The following MAD1L1 variants were observed in gnomAD, a reference collection of about 807,000 sequenced individuals.
MAD1L1 encodes the protein mitotic spindle assembly checkpoint protein MAD1.
A neutral mutation model predicts 96.9 loss-of-function variants in MAD1L1; 95 were observed. That is an observed-to-expected ratio of 0.98 (90% CI 0.83 to 1.16). The LOEUF is 1.16. Ranked by LOEUF, MAD1L1 falls within the 50% of genes most tolerant of loss-of-function variation. MAD1L1 has a pLI of 0.00. For synonymous variants in MAD1L1, 473 were observed against 396.6 expected, an observed-to-expected ratio of 1.19 and a Z score of -2.29; for missense variants, 1,007 against 954.4, an observed-to-expected ratio of 1.06 and a Z score of -0.73.
chr7:2,219,585 G>C, intron 5 of MAD1L1, 129 bp from the exon 6 acceptor site: 1 of 929,012 alleles, frequency 1.1e-6, no homozygotes, highest in Non-Finnish European at 1.6e-6. Context: ...AGGAGGCAGA[G>C]GGGCAGAGGA....
intron 18 of MAD1L1, among the ~76,000 whole-genome samples, chr7:1,896,583 T>C (rs1052663883): frequency 2.0e-4 from 30 of 152,346 alleles, no homozygotes; most frequent in East Asian, 1.7e-3. Context: ...TGCCTAGGCA[T>C]GTGCCTACGT....
At chr7:2,010,295 C>G (rs988500567) in intron 13 of MAD1L1, among the ~76,000 whole-genome samples, 2 of 151,944 alleles carry the variant, frequency 1.3e-5, no homozygotes, top group Admixed American at 6.6e-5. Flanking sequence ...TGGGAGGTCA[C>G]GGGGAGGAAG....
chr7:2,047,591 G>A (rs1427534512), intron 12 of MAD1L1, among the ~76,000 whole-genome samples: 2 of 152,196 alleles, frequency 1.3e-5, no homozygotes, highest in Non-Finnish European at 2.9e-5. Flanking sequence ...TGGGCTTAAT[G>A]TTCCATGAGG....
At chr7:1,939,761 G>A (rs931473908) in intron 16 of MAD1L1, among the ~76,000 whole-genome samples, 7 of 152,354 alleles carry the variant, frequency 4.6e-5, no homozygotes, top group Admixed American at 3.9e-4. Flanking sequence ...GAGACCGGGC[G>A]CAGTAAGCCT....
intron 11 of MAD1L1, among the ~76,000 whole-genome samples, chr7:2,136,874 A>C (rs1788779134): frequency 6.6e-6 from 1 of 152,250 alleles, no homozygotes; most frequent in Non-Finnish European, 1.5e-5. Flanking sequence ...TTCAAGGCTA[A>C]GAAGGAAGCT....
intron 10 of MAD1L1, among the ~76,000 whole-genome samples, chr7:2,170,926 A>C (rs1345035414): frequency 1.3e-5 from 2 of 152,182 alleles, no homozygotes; most frequent in Non-Finnish European, 2.9e-5. Flanking sequence ...GTGACCAGTT[A>C]AACACAGGCA....
chr7:1,835,495 G>A (rs1583502811), intron 18 of MAD1L1, among the ~76,000 whole-genome samples: 1 of 152,224 alleles, frequency 6.6e-6, no homozygotes, highest in East Asian at 1.9e-4. Flanking sequence ...ATATACAAAT[G>A]AATTGTTTTT....
At chr7:2,074,297 C>A (rs540248035) in intron 11 of MAD1L1, among the ~76,000 whole-genome samples, 1 of 152,106 alleles carries the variant, frequency 6.6e-6, no homozygotes, top group Non-Finnish European at 1.5e-5. Flanking sequence ...CTGAGGTCAC[C>A]GAGAGCAGAA....
chr7:1,931,015 C>A (rs924232098), intron 17 of MAD1L1, among the ~76,000 whole-genome samples: 1 of 151,952 alleles, frequency 6.6e-6, no homozygotes, highest in Admixed American at 6.5e-5. Flanking sequence ...GAGGGCGCGT[C>A]GTGGGGTCCA....
intron 10 of MAD1L1, among the ~76,000 whole-genome samples, chr7:2,162,896 C>T (rs1349484063): frequency 2.0e-5 from 3 of 150,470 alleles, no homozygotes; most frequent in Non-Finnish European, 4.4e-5. Context: ...TTGCATGAAC[C>T]ATGTCCACGA....
At chr7:1,850,616 CACGGGG>C (rs1783917727) in intron 18 of MAD1L1, among the ~76,000 whole-genome samples, 1 of 152,196 alleles carries the variant, frequency 6.6e-6, no homozygotes, top group African/African-American at 2.4e-5. Context: ...CCGGAGAAGG[CACGGGG>C]CTGGACCCAG....
chr7:2,021,190 A>C (rs141679281), intron 12 of MAD1L1, among the ~76,000 whole-genome samples: 55 of 152,324 alleles, frequency 3.6e-4, no homozygotes, highest in African/African-American at 1.2e-3. Context: ...GAGATTTGTC[A>C]AATCTAAACC....
chr7:2,038,955 C>T (rs540060216), intron 12 of MAD1L1, among the ~76,000 whole-genome samples: 3 of 152,140 alleles, frequency 2.0e-5, no homozygotes, highest in African/African-American at 4.8e-5. Context: ...ACCCGTATGC[C>T]GACAATGATA....
At chr7:1,916,689 T>C (rs575635344) in intron 17 of MAD1L1, among the ~76,000 whole-genome samples, 59 of 152,200 alleles carry the variant, frequency 3.9e-4, no homozygotes, top group African/African-American at 1.4e-3. Flanking sequence ...GATGAATTCG[T>C]GTCCATGCCC....
chr7:2,147,672 C>T lies in MAD1L1; in HGVS notation c.1073+1480G>A, dbSNP rs1006504853. On this transcript the variant is annotated intron_variant, in intron 11 of 18. Coordinates refer to ENST00000265854, the MANE Select transcript of MAD1L1 (RefSeq NM_001013836.2). ...CAGCTCTCAGAGGGAGCCCACAGGT[C>T]CTGAGAGGCCAGCCACAGCTGGGGT... 3.9e-5 allele frequency among the ~76,000 whole-genome samples: 6 copies of T among 152,222 alleles called. No homozygotes were observed. In the East Asian group the frequency reaches 1.2e-3, roughly 29 times the overall value.
chr7:1,990,322 G>A (rs1042066521), intron 14 of MAD1L1, among the ~76,000 whole-genome samples: 1 of 152,176 alleles, frequency 6.6e-6, no homozygotes, highest in East Asian at 1.9e-4. Context: ...TGGGCATCCT[G>A]GCCAGAGGCC....
At chr7:1,844,854 C>G (rs1352466465) in intron 18 of MAD1L1, among the ~76,000 whole-genome samples, 1 of 151,964 alleles carries the variant, frequency 6.6e-6, no homozygotes, top group Non-Finnish European at 1.5e-5. Flanking sequence ...TGAGCGTGTC[C>G]TCCTCTGCGA....
In MAD1L1 at chr7:1,968,597, C is replaced by T. The variant is rs1273657075; in HGVS notation, c.1506-10878G>A. Reference sequence around the variant, plus strand: ...CAGGTCCACTGTCCACGCCTCAGTCCGGCAGTCAGGTCCGCTGTCAACGCC... The same window carrying T: ...CAGGTCCACTGTCCACGCCTCAGTCTGGCAGTCAGGTCCGCTGTCAACGCC... On this transcript the variant is annotated intron_variant, in intron 15 of 18. Transcript: ENST00000265854. The surrounding 1 kb of genome is among the most constrained non-coding windows in gnomAD (Gnocchi z 5.6). 3.9e-5 allele frequency among the ~76,000 whole-genome samples: 6 copies of T among 152,136 alleles called. No homozygotes were observed. The highest frequency in any genetic ancestry group is 2.1e-4 in the South Asian group (1 of 4,802).
At chr7:2,179,032 A>G (rs1432700403) in intron 10 of MAD1L1, among the ~76,000 whole-genome samples, 1 of 152,232 alleles carries the variant, frequency 6.6e-6, no homozygotes, top group Non-Finnish European at 1.5e-5. Context: ...GAGCCTATGG[A>G]AGTTCACTCC....
Sources: gnomAD v4.1 joint callset for allele counts (sites outside exome capture counted in the v4.1 genomes callset) on GRCh38, gnomAD v4.1.1 for gene constraint, Gnocchi (gnomAD v3.1) non-coding constraint, MANE v1.5 for transcripts, NCBI Gene and HGNC (gene_info 2026-07-23, HGNC 2026-07-21) for gene names.